ZNF407: variants seen among roughly 807,000 people sequenced by gnomAD.
The protein encoded by ZNF407 is zinc finger protein 407.
Under a neutral mutation model 131.2 loss-of-function variants are expected in ZNF407, and 17 were observed. The observed-to-expected ratio is 0.13, with a 90% CI of 0.09 to 0.19. The LOEUF (loss-of-function observed/expected upper bound fraction) is 0.19. ZNF407 is among the 10% of genes least tolerant of loss of function. The pLI is 1.00. For synonymous variants in ZNF407, 1,156 were observed against 1,062.0 expected (o/e 1.09, Z -1.72); for missense variants, 2,681 against 2,830.6 (o/e 0.95, Z 1.20).
chr18:74,693,612 C>T (rs1275139182), intron 3 of ZNF407, among the ~76,000 whole-genome samples: 2 of 151,998 alleles, frequency 1.3e-5, no homozygotes, highest in African/African-American at 2.4e-5. Context: ...TCGTTTTGTT[C>T]CTCTGTATAT....
intron 3 of ZNF407, among the ~76,000 whole-genome samples, chr18:74,755,501 C>T (rs1394098551): frequency 6.7e-6 from 1 of 150,034 alleles, no homozygotes; most frequent in Non-Finnish European, 1.5e-5. Context: ...TATTTATGAA[C>T]TCTTAATTGT....
intron 3 of ZNF407, among the ~76,000 whole-genome samples, chr18:74,752,151 G>A (rs568896220): frequency 6.6e-6 from 1 of 152,228 alleles, no homozygotes; most frequent in Admixed American, 6.5e-5. Flanking sequence ...TCATGTGTCT[G>A]TTGGCTGCAT....
chr18:74,690,794 A>C (rs1484872126), intron 3 of ZNF407, among the ~76,000 whole-genome samples: 1 of 152,196 alleles, frequency 6.6e-6, no homozygotes, highest in East Asian at 1.9e-4. Flanking sequence ...ATATTAGCCT[A>C]TTTTGATTTT....
chr18:74,690,075 C>T (rs975005875), intron 3 of ZNF407, among the ~76,000 whole-genome samples: 16 of 152,100 alleles, frequency 1.1e-4, no homozygotes, highest in East Asian at 1.9e-4. Context: ...AATTGCCAAA[C>T]GCTTGTGATG....
chr18:74,982,368 C>G (rs1599277531), intron 8 of ZNF407, among the ~76,000 whole-genome samples: 1 of 152,178 alleles, frequency 6.6e-6, no homozygotes, highest in East Asian at 1.9e-4. Flanking sequence ...ACTGTTGAAT[C>G]TTTGCTTTAT....
chr18:74,996,333 T>G lies in ZNF407; in HGVS notation c.5429-66817T>G, dbSNP rs1246426315. Reference sequence around the variant, plus strand: ...GTGGACAGTTTGGGGTTTCAGTTAGTCACCTTCCTTGATTTGAGAAACGCT... The same window carrying G: ...GTGGACAGTTTGGGGTTTCAGTTAGGCACCTTCCTTGATTTGAGAAACGCT... On this transcript the variant is annotated intron_variant, in intron 8 of 8. Transcript: ENST00000299687. Among the ~76,000 whole-genome samples the G allele has an allele frequency of 3.3e-5, 5 of 152,352 alleles. No homozygotes were observed. The East Asian group carries it at 9.6e-4, about 29-fold the overall frequency.
rs1223867726 is a variant in ZNF407, at chr18:74,634,251, C to T, written c.3232C>T (p.Leu1078Phe). 1.2e-6 allele frequency: 2 copies of T among 1,613,918 alleles called. No individual in the cohort carries two copies. Among genetic ancestry groups the T allele is most frequent in the Non-Finnish European group, 1.7e-6 (2 of 1,179,900 alleles). The change falls in exon 2 of 9, where the codon CTC becomes TTC. Residue 1078 changes from leucine to phenylalanine, a missense_variant. By Grantham distance (22) the Leu-to-Phe change is conservative (BLOSUM62 0). Coordinates refer to ENST00000299687, the MANE Select transcript of ZNF407 (RefSeq NM_017757.3). ...GCACAAAATGAAAAGGCAGTCTTAT[C>T]TCAACTCTGCTAATGTAGAAGCTGG... ...EKHKMKRQSYLNSANVEAGSA... is the reference protein window; with the variant it reads ...EKHKMKRQSYFNSANVEAGSA...
chr18:74,823,875 A>G (rs202100809), intron 4 of ZNF407, among the ~76,000 whole-genome samples: 4 of 152,194 alleles, frequency 2.6e-5, no homozygotes, highest in Admixed American at 1.3e-4. Context: ...ATAGACATCT[A>G]TAGAGCTCTC....
rs1324668641 is a variant in ZNF407 at position 74,633,358 on chromosome 18, T to C, written c.2339T>C (p.Ile780Thr). Residue 780 changes from isoleucine to threonine, a missense_variant, in exon 2 of 9, where the codon ATA becomes ACA. By Grantham distance (89) the Ile-to-Thr change is moderately conservative. This residue lies in a region of ZNF407 where 1,789 missense variants were observed against 1,748.7 expected (regional missense o/e 1.02). Transcript: ENST00000299687. The part of the protein sequence containing the change: ...SFEECIERVC[I>T]GANDKKEEFD... ...GAAGAATGTATTGAAAGGGTATGTA[T>C]AGGTGCAAATGATAAAAAAGAAGAG... 2 of 1,613,734 alleles carry C rather than the reference T, an allele frequency of 1.2e-6. No individual in the cohort carries two copies. The highest frequency in any genetic ancestry group is 1.7e-6 in the Non-Finnish European group (2 of 1,179,894).
intron 8 of ZNF407, among the ~76,000 whole-genome samples, chr18:74,988,566 A>T (rs888784974): frequency 6.6e-6 from 1 of 151,568 alleles, no homozygotes; most frequent in Non-Finnish European, 1.5e-5. Context: ...ACAAATCACC[A>T]CTCAAAAATA....
chr18:74,765,874 A>T (rs1454691666), intron 3 of ZNF407, among the ~76,000 whole-genome samples: 1 of 151,682 alleles, frequency 6.6e-6, no homozygotes, highest in Non-Finnish European at 1.5e-5. Context: ...AAAAGTTGTT[A>T]TTTCATACAT....
intron 1 of ZNF407, among the ~76,000 whole-genome samples, chr18:74,612,127 A>G (rs1317326212): frequency 6.6e-6 from 1 of 152,222 alleles, no homozygotes. Context: ...CAAGGGGGAA[A>G]AAAGCTACTT....
chr18:74,641,409 A>G (rs1255490345), intron 3 of ZNF407, among the ~76,000 whole-genome samples: 1 of 152,204 alleles, frequency 6.6e-6, no homozygotes, highest in East Asian at 1.9e-4. Flanking sequence ...AGAGAGAACT[A>G]TAAATTCCAT....
intron 8 of ZNF407, among the ~76,000 whole-genome samples, chr18:75,047,487 T>C (rs1973449103): frequency 6.6e-6 from 1 of 152,226 alleles, no homozygotes; most frequent in African/African-American, 2.4e-5. Context: ...ACTGCAGTCA[T>C]GTGGCGGCTT....
intron 8 of ZNF407, among the ~76,000 whole-genome samples, chr18:75,007,497 G>C (rs529598391): frequency 6.6e-6 from 1 of 152,216 alleles, no homozygotes; most frequent in Non-Finnish European, 1.5e-5. Flanking sequence ...GGACATTCTC[G>C]CACACAATCA....
Position 74,635,647 on chromosome 18 carries a change from G to A in ZNF407, c.4628G>A (p.Gly1543Glu), listed in dbSNP as rs1486240227. 3 of 1,611,922 alleles carry A rather than the reference G, an allele frequency of 1.9e-6. No homozygotes were observed. In the African/African-American group the frequency reaches 4.0e-5, roughly 22 times the overall value. Residue 1543 changes from glycine to glutamate, a missense_variant, in exon 2 of 9, where the codon GGG (glycine) becomes GAG (glutamate). Around this residue, in one of 6 missense-constraint regions of ZNF407, gnomAD observed 213 missense variants for 332.2 expected, o/e 0.64. Coordinates refer to ENST00000299687, the MANE Select transcript of ZNF407 (RefSeq NM_017757.3). This position sits in a 1 kb window ranked among gnomAD's most constrained non-coding sequence, Gnocchi z 4.7. ...CAGGGAAACGTCTGCAAGTATTGTG[G>A]GAAGATGTGTCGAAGCAGCAACTCG... ...ENQGNVCKYC[G>E]KMCRSSNSMA...
At chr18:74,959,040 C>T (rs1318082210) in intron 8 of ZNF407, among the ~76,000 whole-genome samples, 1 of 152,196 alleles carries the variant, frequency 6.6e-6, no homozygotes, top group Non-Finnish European at 1.5e-5. Context: ...ATTTTACTTA[C>T]TGAACATTTT....
chr18:74,763,560 G>A (rs1443118052), intron 3 of ZNF407, among the ~76,000 whole-genome samples: 1 of 151,524 alleles, frequency 6.6e-6, no homozygotes, highest in Non-Finnish European at 1.5e-5. Context: ...ATGGTTTTAG[G>A]TATTATATTT....
intron 3 of ZNF407, among the ~76,000 whole-genome samples, chr18:74,753,960 G>T (rs1049835872): frequency 1.3e-5 from 2 of 152,094 alleles, no homozygotes; most frequent in African/African-American, 4.8e-5. Flanking sequence ...GAATTTGGCT[G>T]TGAATCCGTC....
Sources: gnomAD v4.1 joint callset for allele counts (sites outside exome capture counted in the v4.1 genomes callset) on GRCh38, gnomAD v4.1.1 for gene constraint, gnomAD v4.1.1 regional missense constraint, Gnocchi (gnomAD v3.1) non-coding constraint, MANE v1.5 for transcripts, NCBI Gene and HGNC (gene_info 2026-07-23, HGNC 2026-07-21) for gene names.